HERC3: variants seen among roughly 807,000 people sequenced by gnomAD.
The protein encoded by HERC3 is probable E3 ubiquitin-protein ligase HERC3.
In HERC3, 58 loss-of-function variants were observed where a neutral mutation model predicts 129.9. The observed-to-expected ratio is 0.45, with a 90% confidence interval of 0.36 to 0.56. The LOEUF (loss-of-function observed/expected upper bound fraction) is 0.56, where lower values mean the gene tolerates loss of function less well. Ranked by LOEUF, HERC3 falls within the 20% of genes least tolerant of loss-of-function variation. The pLI is 0.00. For missense variants in HERC3, 835 were observed against 1,244.2 expected (o/e 0.67, Z 4.95); for synonymous variants, 430 against 451.0 (o/e 0.95, Z 0.59).
Position 88,693,722 on chromosome 4 carries a change from G to A in HERC3, c.2657+6423G>A, listed in dbSNP as rs1734308850. ...TTGAGTGTACATTCTCAGGCAGAGA[G>A]AGCTGCCATGCCATTTTTCACAGTA... On this transcript the variant is annotated intron_variant, in intron 23 of 25. Transcript: ENST00000402738. 3 of 978,676 alleles carry A rather than the reference G, an allele frequency of 3.1e-6. No individual in the cohort carries two copies. In the African/African-American group the frequency reaches 5.2e-5, roughly 17 times the overall value. 60.6% of individuals were successfully genotyped at this position (978,676 alleles called of 1,614,324 possible). A position where few individuals can be genotyped will look rare whatever the true frequency, so the allele number is the denominator to read the frequency against.
At chr4:88,602,201 G>A (rs1352294626) in intron 2 of HERC3, among the ~76,000 whole-genome samples, 1 of 151,880 alleles carries the variant, frequency 6.6e-6, no homozygotes, top group African/African-American at 2.4e-5. Context: ...AGGAGTTCAA[G>A]ACCAGCCTGC....
Position 88,707,957 on chromosome 4 carries a change from C to T in HERC3, c.*997C>T, listed in dbSNP as rs1183129316. On this transcript the variant is annotated 3_prime_UTR_variant, in exon 26 of 26. Transcript: ENST00000402738. ...CTTTCGTTTCTTCTTTATTTTATCC[C>T]ATTCTCTGTTACTTGACTCAGTGCT... The T allele has an allele frequency of 6.6e-6, 1 of 152,510 alleles. No individual in the cohort carries two copies. Among genetic ancestry groups the T allele is most frequent in the Non-Finnish European group, 1.5e-5 (1 of 68,040 alleles). The allele number at this position is 152,510 out of a possible 1,614,324, so 9.4% of individuals were successfully genotyped here.
intron 18 of HERC3, among the ~76,000 whole-genome samples, chr4:88,677,589 A>G (rs2282589): frequency 0.14 from 21,377 of 151,898 alleles, 1,668 homozygotes; most frequent in East Asian, 0.2. Flanking sequence ...TCAAAGAATA[A>G]CTCTTTTTAA....
Position 88,671,227 on chromosome 4 carries a change from G to T in HERC3, c.1911+975G>T, listed in dbSNP as rs545177210. Among the ~76,000 whole-genome samples, 4 of 152,172 alleles carry T rather than the reference G, an allele frequency of 2.6e-5. No homozygotes were observed. In the East Asian group the frequency reaches 7.7e-4, roughly 29 times the overall value. The stretch of plus-strand genomic sequence containing the variant: ...AGGTCAGAAAACAGAATGATAATTT[G>T]GTTATTGTATTTTGTGAAGCCATGT... On this transcript the variant is annotated intron_variant, in intron 16 of 25. Coordinates refer to ENST00000402738, the MANE Select transcript of HERC3 (RefSeq NM_014606.3).
At chr4:88,691,292 A>G (rs934919423) in intron 23 of HERC3, among the ~76,000 whole-genome samples, 4 of 152,216 alleles carry the variant, frequency 2.6e-5, no homozygotes, top group African/African-American at 9.6e-5. Flanking sequence ...GCACTGATGT[A>G]TATGTCTGTG....
the HERC3 span, among the ~76,000 whole-genome samples, chr4:88,555,014 AG>A: frequency 0.075 from 11,489 of 152,174 alleles, 609 homozygotes; most frequent in East Asian, 0.27. Flanking sequence ...GTGGCCGTGC[AG>A]TGGCTCATGC....
the HERC3 span, among the ~76,000 whole-genome samples, chr4:88,559,961 T>A: frequency 0.23 from 20,065 of 88,116 alleles, 1,617 homozygotes; most frequent in East Asian, 0.37. Context: ...TTATTTTTGA[T>A]TTTTTTTTTT....
intron 3 of HERC3, among the ~76,000 whole-genome samples, chr4:88,622,375 CT>C (rs1725623969): frequency 1.3e-5 from 2 of 152,148 alleles, no homozygotes; most frequent in Admixed American, 6.5e-5. Flanking sequence ...TTTGTTTATA[CT>C]TTTATCAGTT....
intron 3 of HERC3, among the ~76,000 whole-genome samples, chr4:88,644,579 T>C (rs938817468): frequency 6.6e-6 from 1 of 152,130 alleles, no homozygotes; most frequent in African/African-American, 2.4e-5. Context: ...GAAAACAGAT[T>C]GTTGGTTGTC....
rs138669307 is a variant in HERC3 at position 88,667,264 on chromosome 4, C to T, written c.1332-113C>T. The T allele has an allele frequency of 1.7e-3, 813 of 489,248 alleles. 13 individuals are homozygous for T. Among genetic ancestry groups the T allele is most frequent in the African/African-American group, 0.015 (736 of 49,920 alleles). 30.3% of individuals were successfully genotyped at this position (489,248 alleles called of 1,614,324 possible). Reference sequence around the variant, plus strand: ...TAGTATTTTTGTGGATCTTATCTGCCAGATCAAATTTAAATCTGATTACTA... The same window carrying T: ...TAGTATTTTTGTGGATCTTATCTGCTAGATCAAATTTAAATCTGATTACTA... On this transcript the variant is annotated intron_variant, in intron 12 of 25. Coordinates refer to ENST00000402738, the MANE Select transcript of HERC3 (RefSeq NM_014606.3).
chr4:88,675,763 T>C (rs1293469907), intron 16 of HERC3, among the ~76,000 whole-genome samples: 1 of 151,832 alleles, frequency 6.6e-6, no homozygotes, highest in Non-Finnish European at 1.5e-5. Flanking sequence ...TGAAATTCTT[T>C]CCAAATACTT....
At chr4:88,689,570 A>G (rs1421541692) in intron 23 of HERC3, among the ~76,000 whole-genome samples, 2 of 138,150 alleles carry the variant, frequency 1.4e-5, no homozygotes, top group African/African-American at 5.4e-5. Context: ...TTCTTCTTCC[A>G]TCCTTGACTA....
chr4:88,703,134 C>T (rs907795308), intron 23 of HERC3, among the ~76,000 whole-genome samples: 2 of 152,172 alleles, frequency 1.3e-5, no homozygotes, highest in Non-Finnish European at 2.9e-5. Flanking sequence ...TTAGGGCCAA[C>T]CAGAGAAAGC....
At chr4:88,697,662 A>G (rs752241773) in intron 23 of HERC3, 1 of 1,612,674 alleles carries the variant, frequency 6.2e-7, no homozygotes, top group Non-Finnish European at 8.5e-7. Flanking sequence ...CACCCTGCGC[A>G]CCGCCTTCCG....
At chr4:88,584,549 TAGAG>T in the HERC3 span, among the ~76,000 whole-genome samples, 1 of 152,220 alleles carries the variant, frequency 6.6e-6, no homozygotes, top group African/African-American at 2.4e-5. Context: ...GGTAGGATCT[TAGAG>T]AGGTGATTAG....
At chr4:88,542,879 A>C in the HERC3 span, among the ~76,000 whole-genome samples, 49 of 152,328 alleles carry the variant, frequency 3.2e-4, no homozygotes, top group African/African-American at 1.2e-3. Flanking sequence ...CTTTGACAAA[A>C]TCCAACAGCC....
chr4:88,644,231 CT>C (rs1158867607), intron 3 of HERC3, among the ~76,000 whole-genome samples: 3 of 151,928 alleles, frequency 2.0e-5, no homozygotes, highest in Non-Finnish European at 4.4e-5. Flanking sequence ...TTTTTTCTTT[CT>C]TTTTTTTAAA....
chr4:88,558,376 T>C, the HERC3 span, among the ~76,000 whole-genome samples: 2 of 152,184 alleles, frequency 1.3e-5, no homozygotes, highest in African/African-American at 4.8e-5. Flanking sequence ...CGGAGGCCAT[T>C]ATTCTAAGCA....
chr4:88,672,953 T>C (rs968324216), intron 16 of HERC3, among the ~76,000 whole-genome samples: 3 of 152,068 alleles, frequency 2.0e-5, no homozygotes, highest in African/African-American at 7.2e-5. Flanking sequence ...CAGTGAAAAA[T>C]TGCAAAGGGA....
Sources: gnomAD v4.1 joint callset for allele counts (sites outside exome capture counted in the v4.1 genomes callset) on GRCh38, gnomAD v4.1.1 for gene constraint, MANE v1.5 for transcripts, NCBI Gene and HGNC (gene_info 2026-07-23, HGNC 2026-07-21) for gene names.